Variants in XIRP2 observed in about 807,000 individuals in gnomAD.
XIRP2 encodes xin actin-binding repeat-containing protein 2.
In XIRP2, 236 loss-of-function variants were observed where a neutral mutation model predicts 277.0. That is an observed-to-expected ratio of 0.85 (90% CI 0.77 to 0.95). XIRP2 has a LOEUF of 0.95. Ranked by LOEUF, XIRP2 falls within the 40% of genes least tolerant of loss-of-function variation. The pLI, the probability that XIRP2 is intolerant of heterozygous loss-of-function variation, is 0.00. For missense variants in XIRP2, 4,640 were observed against 4,157.5 expected, an observed-to-expected ratio of 1.12 and a Z score of -3.19; for synonymous variants, 1,490 against 1,416.5, an observed-to-expected ratio of 1.05 and a Z score of -1.17.
rs751062794 is a variant in XIRP2, at chr2:167,243,169, T to C, written c.1777T>C (p.Ser593Pro). Residue 593 changes from serine to proline, a missense_variant, in exon 9 of 11, where the codon TCT becomes CCT. Transcript: ENST00000409195. Reference sequence around the variant, plus strand: ...ACCATTGGATTCCATCAACAATGGCTCTCCTGATGAAGGTGATATTTCCAG... The same window carrying C: ...ACCATTGGATTCCATCAACAATGGCCCTCCTGATGAAGGTGATATTTCCAG... ...NQPLDSINNGSPDEGDISRGI... is the reference protein window; with the variant it reads ...NQPLDSINNGPPDEGDISRGI... 2 of 1,614,140 alleles carry C rather than the reference T, an allele frequency of 1.2e-6. No homozygotes were observed. The highest frequency in any genetic ancestry group is 1.3e-5 in the African/African-American group (1 of 75,052).
At chr2:167,186,949 C>T (rs1344737971) in intron 3 of XIRP2, among the ~76,000 whole-genome samples, 1 of 152,062 alleles carries the variant, frequency 6.6e-6, no homozygotes, top group East Asian at 1.9e-4. Context: ...AGCAATGTCT[C>T]CTCTTCCCAA....
chr2:166,995,366 G>A (rs1687191076), intron 2 of XIRP2, among the ~76,000 whole-genome samples: 1 of 152,112 alleles, frequency 6.6e-6, no homozygotes, highest in African/African-American at 2.4e-5. Context: ...TGCTTTAAGT[G>A]GTACTTTACC....
intron 2 of XIRP2, among the ~76,000 whole-genome samples, chr2:166,947,288 A>G (rs1685901178): frequency 6.6e-6 from 1 of 152,174 alleles, no homozygotes; most frequent in Non-Finnish European, 1.5e-5. Context: ...TGAATCTTCC[A>G]TGGGAAGAAG....
intron 2 of XIRP2, among the ~76,000 whole-genome samples, chr2:167,068,039 T>C (rs1167858687): frequency 6.6e-6 from 1 of 152,204 alleles, no homozygotes; most frequent in East Asian, 1.9e-4. Flanking sequence ...CAATTTAAGT[T>C]ATATTAGTCT....
At chr2:166,983,840 A>G in intron 2 of XIRP2, among the ~76,000 whole-genome samples, 1 of 152,208 alleles carries the variant, frequency 6.6e-6, no homozygotes, top group South Asian at 2.1e-4. Flanking sequence ...TATTTTGTAC[A>G]TGCTTTTAAT....
At chr2:166,952,684 T>TA (rs1324956225) in intron 2 of XIRP2, among the ~76,000 whole-genome samples, 1 of 151,968 alleles carries the variant, frequency 6.6e-6, no homozygotes, top group Non-Finnish European at 1.5e-5. Context: ...TCAACTTATT[T>TA]AAAAATGGAA....
At chr2:167,062,540 G>A (rs958236410) in intron 2 of XIRP2, among the ~76,000 whole-genome samples, 50 of 152,104 alleles carry the variant, frequency 3.3e-4, no homozygotes, top group African/African-American at 1.1e-3. Flanking sequence ...AATGATTTGG[G>A]AATTATTCTC....
At chr2:167,153,105 G>C (rs1231346536) in intron 3 of XIRP2, among the ~76,000 whole-genome samples, 1 of 151,992 alleles carries the variant, frequency 6.6e-6, no homozygotes, top group Non-Finnish European at 1.5e-5. Flanking sequence ...CAAAATATTT[G>C]TTGAATGATT....
chr2:167,033,519 A>G (rs1020980963), intron 2 of XIRP2, among the ~76,000 whole-genome samples: 3 of 152,146 alleles, frequency 2.0e-5, no homozygotes, highest in African/African-American at 7.2e-5. Context: ...CAAGTACAAG[A>G]AGGTTATAGA....
chr2:167,156,331 G>T (rs765068210), intron 3 of XIRP2, among the ~76,000 whole-genome samples: 16 of 152,108 alleles, frequency 1.1e-4, no homozygotes, highest in Non-Finnish European at 1.3e-4. Context: ...GATAGCAACC[G>T]CTTAGGCATG....
intron 2 of XIRP2, among the ~76,000 whole-genome samples, chr2:166,908,583 G>A (rs1684600325): frequency 6.6e-6 from 1 of 151,870 alleles, no homozygotes; most frequent in Non-Finnish European, 1.5e-5. Context: ...CACTCTGATG[G>A]TAGTTTCTTT....
At chr2:167,233,711 T>A (rs1049070414) in intron 5 of XIRP2, among the ~76,000 whole-genome samples, 2 of 151,536 alleles carry the variant, frequency 1.3e-5, no homozygotes, top group Non-Finnish European at 3.0e-5. Flanking sequence ...GAATATTTTA[T>A]TTTTTTTGTA....
chr2:167,213,155 G>A (rs557599834), intron 4 of XIRP2, among the ~76,000 whole-genome samples: 1 of 152,202 alleles, frequency 6.6e-6, no homozygotes, highest in Non-Finnish European at 1.5e-5. Flanking sequence ...AAACAGTGGT[G>A]GTCTATAGAA....
chr2:166,917,105 G>A (rs1048662170), intron 2 of XIRP2, among the ~76,000 whole-genome samples: 1 of 152,106 alleles, frequency 6.6e-6, no homozygotes, highest in African/African-American at 2.4e-5. Context: ...TAAAGGAAGA[G>A]ACTAACACTC....
chr2:166,997,279 C>T (rs1396650372), intron 2 of XIRP2, among the ~76,000 whole-genome samples: 1 of 152,064 alleles, frequency 6.6e-6, no homozygotes, highest in African/African-American at 2.4e-5. Flanking sequence ...TGTCATGAAC[C>T]TTATAGGCAT....
At chr2:167,194,601 G>A (rs1430607471) in intron 3 of XIRP2, among the ~76,000 whole-genome samples, 2 of 152,050 alleles carry the variant, frequency 1.3e-5, no homozygotes, top group Non-Finnish European at 2.9e-5. Flanking sequence ...GCCAGAAGAG[G>A]TTCCAAATGA....
intron 2 of XIRP2, among the ~76,000 whole-genome samples, chr2:166,945,476 A>G (rs1685833748): frequency 6.6e-6 from 1 of 152,052 alleles, no homozygotes; most frequent in Non-Finnish European, 1.5e-5. Flanking sequence ...AACCTTAAAA[A>G]TCAAAAAAAG....
At chr2:167,220,958 C>A (rs1323301825) in intron 5 of XIRP2, among the ~76,000 whole-genome samples, 2 of 152,090 alleles carry the variant, frequency 1.3e-5, no homozygotes, top group Non-Finnish European at 2.9e-5. Flanking sequence ...TGAATATTTG[C>A]ATGAATCTGG....
chr2:166,985,816 A>T (rs1477180451), intron 2 of XIRP2, among the ~76,000 whole-genome samples: 1 of 152,084 alleles, frequency 6.6e-6, no homozygotes. Context: ...CTGAAAAAAA[A>T]ACCCATAATA....
Sources: allele counts gnomAD v4.1 joint callset (sites outside exome capture counted in the v4.1 genomes callset), GRCh38; gene constraint gnomAD v4.1.1; transcripts MANE v1.5; gene names NCBI Gene and HGNC (gene_info 2026-07-23, HGNC 2026-07-21).